The following GRM5 variants were observed in gnomAD, a reference collection of about 807,000 sequenced individuals.
The protein encoded by GRM5 is glutamate metabotropic receptor 5, also known as metabotropic glutamate receptor 5.
In GRM5, 19 loss-of-function variants were observed where a neutral mutation model predicts 83.1. The ratio of observed to expected loss-of-function variants is 0.23; its 90% CI spans 0.16 to 0.34. The LOEUF is 0.34. Among genes scored for constraint, GRM5 ranks in the 10% least tolerant of loss-of-function variants. GRM5 has a pLI of 1.00. For missense variants in GRM5, 1,160 were observed against 1,588.3 expected (o/e 0.73, Z 4.58); for synonymous variants, 675 against 633.6 (o/e 1.07, Z -0.98).
chr11:88,656,084 C>T (rs1277824201), intron 3 of GRM5, among the ~76,000 whole-genome samples: 1 of 151,872 alleles, frequency 6.6e-6, no homozygotes, highest in African/African-American at 2.4e-5. Flanking sequence ...AAGAAAAAAC[C>T]TTTCTGCCAC....
At chr11:88,521,386 C>A (rs754284913) in intron 9 of GRM5, among the ~76,000 whole-genome samples, 1 of 152,136 alleles carries the variant, frequency 6.6e-6, no homozygotes, top group South Asian at 2.1e-4. Context: ...CATTGCACTC[C>A]AGCCTGGGTG....
rs567721985 is a variant in GRM5, at chr11:88,795,864, T to A, written c.911+54042A>T. On this transcript the variant is annotated intron_variant, in intron 3 of 9. Transcript: ENST00000305447. The stretch of plus-strand genomic sequence containing the variant: ...AGTTTAATAGTTGCATATGTCCCTA[T>A]TGTGTAGGAGAGCCCTGGAGAGACA... 5.9e-5 allele frequency among the ~76,000 whole-genome samples: 9 copies of A among 152,266 alleles called. No individual in the cohort carries two copies. The East Asian group carries it at 1.7e-3, about 29-fold the overall frequency.
In GRM5 at chr11:88,895,784, C is replaced by T. The variant is rs1428184884; in HGVS notation, c.662-45629G>A. On this transcript the variant is annotated intron_variant, in intron 2 of 9. Coordinates refer to ENST00000305447, the MANE Select transcript of GRM5 (RefSeq NM_001143831.3). ...TTGACATACACTGTGCAATAATATG[C>T]CTCTCACATCTATTATAGAATTAAG... Among the ~76,000 whole-genome samples the T allele has an allele frequency of 2.6e-5, 4 of 151,886 alleles. No homozygotes were observed. In the Admixed American group the frequency reaches 2.6e-4, roughly 10 times the overall value.
At chr11:88,683,067 G>A (rs1940534463) in intron 3 of GRM5, among the ~76,000 whole-genome samples, 1 of 151,886 alleles carries the variant, frequency 6.6e-6, no homozygotes, top group Admixed American at 6.6e-5. Context: ...TTCCCTCCCA[G>A]CTTATATCAG....
intron 2 of GRM5, among the ~76,000 whole-genome samples, chr11:88,908,363 C>T (rs1945438487): frequency 1.3e-5 from 2 of 152,188 alleles, no homozygotes; most frequent in Admixed American, 1.3e-4. Flanking sequence ...TTGTTAGTCT[C>T]TTTTCTAGTA....
At chr11:88,721,439 TAGA>T (rs1941537528) in intron 3 of GRM5, among the ~76,000 whole-genome samples, 2 of 152,142 alleles carry the variant, frequency 1.3e-5, no homozygotes, top group East Asian at 3.9e-4. Context: ...GTACAAAAGT[TAGA>T]CCACTCTTCT....
chr11:88,669,726 G>A (rs117357283), intron 3 of GRM5, among the ~76,000 whole-genome samples: 2,722 of 151,912 alleles, frequency 0.018, 65 homozygotes, highest in East Asian at 0.096. Flanking sequence ...AAAGAAATAA[G>A]CCTAAATAAT....
chr11:88,828,606 T>C (rs949649214), intron 3 of GRM5, among the ~76,000 whole-genome samples: 4 of 152,102 alleles, frequency 2.6e-5, no homozygotes, highest in Admixed American at 1.3e-4. Context: ...ATACTTGTTA[T>C]CACAATTATT....
chr11:88,956,960 T>C (rs1565309122), intron 2 of GRM5, among the ~76,000 whole-genome samples: 1 of 150,662 alleles, frequency 6.6e-6, no homozygotes, highest in Non-Finnish European at 1.5e-5. Flanking sequence ...AGGTAATGTA[T>C]GCAAATACAT....
chr11:88,936,274 A>C (rs1299817590), intron 2 of GRM5, among the ~76,000 whole-genome samples: 1 of 151,920 alleles, frequency 6.6e-6, no homozygotes, highest in Non-Finnish European at 1.5e-5. Context: ...ATAAATATTT[A>C]AATAAAGGCC....
chr11:89,008,499 A>G (rs549721616), intron 2 of GRM5, among the ~76,000 whole-genome samples: 6 of 152,238 alleles, frequency 3.9e-5, no homozygotes, highest in African/African-American at 1.4e-4. Context: ...TATAGACATC[A>G]AGGTTATCTA....
chr11:89,042,473 G>A (rs1190212003), intron 2 of GRM5, among the ~76,000 whole-genome samples: 1 of 152,186 alleles, frequency 6.6e-6, no homozygotes, highest in Non-Finnish European at 1.5e-5. Flanking sequence ...AAATACAGAA[G>A]ATTAAATGCT....
chr11:88,515,673 G>T (rs1284014067), intron 9 of GRM5, among the ~76,000 whole-genome samples: 1 of 152,186 alleles, frequency 6.6e-6, no homozygotes, highest in Non-Finnish European at 1.5e-5. Flanking sequence ...TCTTAGCTGA[G>T]ATGTTTTAAC....
chr11:88,527,450 T>C (rs533642948), intron 8 of GRM5, among the ~76,000 whole-genome samples: 1 of 152,176 alleles, frequency 6.6e-6, no homozygotes, highest in Admixed American at 6.5e-5. Flanking sequence ...TATCAAACTC[T>C]AACCTCTGTG....
chr11:88,778,011 G>C (rs1300254360), intron 3 of GRM5, among the ~76,000 whole-genome samples: 1 of 146,624 alleles, frequency 6.8e-6, no homozygotes, highest in South Asian at 2.1e-4. Flanking sequence ...GGACGTTTAA[G>C]TCTGCAGAAA....
intron 4 of GRM5, among the ~76,000 whole-genome samples, chr11:88,613,352 A>G (rs535979940): frequency 6.6e-6 from 1 of 152,320 alleles, no homozygotes; most frequent in East Asian, 1.9e-4. Flanking sequence ...ATAGATCTCT[A>G]GAAACCTGTT....
At chr11:88,932,984 A>C (rs1056976309) in intron 2 of GRM5, among the ~76,000 whole-genome samples, 6 of 151,914 alleles carry the variant, frequency 3.9e-5, no homozygotes, top group Non-Finnish European at 8.8e-5. Context: ...ACCTTTTAAA[A>C]AATCAATTTT....
chr11:88,729,573 A>C (rs1016202036), intron 3 of GRM5, among the ~76,000 whole-genome samples: 1 of 152,216 alleles, frequency 6.6e-6, no homozygotes, highest in Non-Finnish European at 1.5e-5. Context: ...TAGCCAAGAC[A>C]ATCCTAAATA....
chr11:88,773,040 G>A (rs187832902), intron 3 of GRM5, among the ~76,000 whole-genome samples: 161 of 152,300 alleles, frequency 1.1e-3, no homozygotes, highest in Non-Finnish European at 1.9e-3. Flanking sequence ...CTTCCACAAT[G>A]GTGGAACTAA....
Sources: gnomAD v4.1 joint callset for allele counts (sites outside exome capture counted in the v4.1 genomes callset) on GRCh38, gnomAD v4.1.1 for gene constraint, MANE v1.5 for transcripts, NCBI Gene and HGNC (gene_info 2026-07-23, HGNC 2026-07-21) for gene names.